The following MUC7 variants were observed in gnomAD, a reference collection of about 807,000 sequenced individuals.
The protein encoded by MUC7 is mucin-7.
A neutral mutation model predicts 2.5 loss-of-function variants in MUC7; 2 were observed. That is an observed-to-expected ratio of 0.81 (90% CI 0.33 to 2.55). MUC7 has a LOEUF of 2.55. MUC7 is among the 30% of genes most tolerant of loss of function. The probability of loss-of-function intolerance (pLI) is 0.11; values close to 1 mark genes in which losing one functional copy is unlikely to be tolerated. For synonymous variants in MUC7, 133 were observed against 173.4 expected (o/e 0.77, Z 1.83); for missense variants, 408 against 455.6 (o/e 0.90, Z 0.95).
Position 70,481,412 on chromosome 4 carries a change from C to G in MUC7, c.668C>G (p.Pro223Arg). The change falls in exon 3 of 3, where the codon CCA (proline) becomes CGA (arginine). Residue 223 changes from proline to arginine, a missense_variant. Pro to Arg is a moderately radical substitution (Grantham distance 103). Transcript: ENST00000304887. Reference protein sequence around the residue: ...AAPPTPPATTPAPPSSSAPPE... With the variant: ...AAPPTPPATTRAPPSSSAPPE... The stretch of plus-strand genomic sequence containing the variant: ...CCACCCACACCTCCTGCAACTACAC[C>G]AGCTCCACCATCTTCCTCAGCTCCA... 6.2e-7 allele frequency: 1 copy of G among 1,607,350 alleles called. No individual in the cohort carries two copies. Among genetic ancestry groups the G allele is most frequent in the Non-Finnish European group, 8.5e-7 (1 of 1,179,140 alleles).
At chr4:70,434,546 C>A (rs1217810292) in intron 1 of MUC7, among the ~76,000 whole-genome samples, 2 of 152,136 alleles carry the variant, frequency 1.3e-5, no homozygotes, top group Non-Finnish European at 2.9e-5. Flanking sequence ...GCTTATATTT[C>A]TGTGAGATAG....
chr4:70,431,662 G>A (rs780812817), intron 1 of MUC7, among the ~76,000 whole-genome samples: 26 of 152,044 alleles, frequency 1.7e-4, no homozygotes, highest in Admixed American at 5.9e-4. Context: ...TTATTCAACC[G>A]TAGTAACATT....
intron 1 of MUC7, among the ~76,000 whole-genome samples, chr4:70,453,544 G>A (rs1299547057): frequency 6.6e-6 from 1 of 152,218 alleles, no homozygotes; most frequent in Non-Finnish European, 1.5e-5. Flanking sequence ...TGGTCCAGGG[G>A]ATATCTAGAA....
At chr4:70,438,999 C>T (rs1026939222) in intron 1 of MUC7, among the ~76,000 whole-genome samples, 2 of 152,122 alleles carry the variant, frequency 1.3e-5, no homozygotes, top group African/African-American at 4.8e-5. Context: ...TTACTGCTCT[C>T]ACTGAGCCTA....
chr4:70,478,393 G>A (rs145357545), intron 2 of MUC7, among the ~76,000 whole-genome samples: 6 of 152,246 alleles, frequency 3.9e-5, no homozygotes, highest in African/African-American at 7.2e-5. Flanking sequence ...AGGGGCCTTC[G>A]TGAGGCTCAT....
intron 1 of MUC7, among the ~76,000 whole-genome samples, chr4:70,462,631 TATATAGAC>T (rs1158572065): frequency 1.3e-5 from 2 of 152,206 alleles, no homozygotes; most frequent in Non-Finnish European, 2.9e-5. Context: ...CTTTTTTGCA[TATATAGAC>T]ATAAATTAGA....
intron 1 of MUC7, among the ~76,000 whole-genome samples, chr4:70,450,267 C>T (rs886516889): frequency 6.6e-6 from 1 of 152,192 alleles, no homozygotes; most frequent in Non-Finnish European, 1.5e-5. Flanking sequence ...CAGACTACCA[C>T]CAATGTTTCC....
chr4:70,432,224 T>G (rs1395788258), intron 1 of MUC7, among the ~76,000 whole-genome samples: 2 of 152,224 alleles, frequency 1.3e-5, no homozygotes, highest in African/African-American at 2.4e-5. Context: ...GCATGTGTCT[T>G]TATAGCAGCA....
chr4:70,439,799 T>C (rs1046803660), intron 1 of MUC7, among the ~76,000 whole-genome samples: 1 of 152,126 alleles, frequency 6.6e-6, no homozygotes, highest in African/African-American at 2.4e-5. Context: ...CACATGCTAA[T>C]TGATAATTCA....
intron 1 of MUC7, among the ~76,000 whole-genome samples, chr4:70,452,523 A>G (rs1448842874): frequency 1.3e-5 from 2 of 148,238 alleles, no homozygotes; most frequent in East Asian, 4.0e-4. Context: ...TAAACAAACA[A>G]GAAAAAGAAA....
intron 2 of MUC7, among the ~76,000 whole-genome samples, chr4:70,475,162 C>T (rs1248933358): frequency 6.6e-6 from 1 of 151,836 alleles, no homozygotes; most frequent in African/African-American, 2.4e-5. Context: ...ACCTGTAATC[C>T]CAGCTACTCA....
At chr4:70,434,084 G>A (rs1733754704) in intron 1 of MUC7, among the ~76,000 whole-genome samples, 2 of 152,110 alleles carry the variant, frequency 1.3e-5, no homozygotes, top group Admixed American at 6.6e-5. Flanking sequence ...CTTGATCTTG[G>A]TGGGTAAGCT....
chr4:70,481,157 C>A lies in MUC7; in HGVS notation c.413C>A (p.Thr138Asn). The change falls in exon 3 of 3, where the codon ACC becomes AAC. Residue 138 changes from threonine to asparagine, a missense_variant. Thr to Asn is a moderately conservative substitution (Grantham distance 65). Coordinates refer to ENST00000304887, the MANE Select transcript of MUC7 (RefSeq NM_152291.3). ...ACTTTTCTTCCCCAGAATGCCACCA[C>A]CATATCTTCAAGAGAAAATGTTAAC... ...NVTFLPQNATTISSRENVNTS... is the reference protein window; with the variant it reads ...NVTFLPQNATNISSRENVNTS... 1 of 1,614,212 alleles carries A rather than the reference C, an allele frequency of 6.2e-7. No individual in the cohort carries two copies. Among genetic ancestry groups the A allele is most frequent in the Non-Finnish European group, 8.5e-7 (1 of 1,180,042 alleles).
rs75195757 is a variant in MUC7 at position 70,466,586 on chromosome 4, C to CAA, written c.-92-5620_-92-5619dup. Among the ~76,000 whole-genome samples, 15 of 143,416 alleles carry CAA rather than the reference C, an allele frequency of 1.0e-4. No individual in the cohort carries two copies. In the South Asian group the frequency reaches 1.7e-3, roughly 17 times the overall value. The allele number at this position is 143,416 out of a possible 152,430, so 94.1% of individuals were successfully genotyped here. A position where few individuals can be genotyped will look rare whatever the true frequency, so the allele number is the denominator to read the frequency against. ...GAATGTTTACCAAGCGAATGGAAAG[C>CAA]AAAAAAAAAAGCAGAGGTTGCAATC... On this transcript the variant is annotated intron_variant, in intron 1 of 3. Coordinates refer to the MUC7 transcript ENST00000413702.
At chr4:70,442,059 C>T (rs1170414842) in intron 1 of MUC7, among the ~76,000 whole-genome samples, 1 of 152,138 alleles carries the variant, frequency 6.6e-6, no homozygotes, top group Non-Finnish European at 1.5e-5. Flanking sequence ...TGAAAAGATA[C>T]AAAGATATTT....
In MUC7 at chr4:70,445,387, TGATTATGAGTCTGCCATAGAA is replaced by T. The variant is rs1243478217; in HGVS notation, c.-93+14729_-93+14749del. On this transcript the variant is annotated intron_variant, in intron 1 of 3. Coordinates refer to the MUC7 transcript ENST00000413702. ...CCAGCACATTTTATGACACTACATT[TGATTATGAGTCTGCCATAGAA>T]GATTATGAGTCTGCCATAGAAGATT... Among the ~76,000 whole-genome samples, 18 of 152,340 alleles carry T rather than the reference TGATTATGAGTCTGCCATAGAA, an allele frequency of 1.2e-4. No individual in the cohort carries two copies. In the East Asian group the frequency reaches 1.5e-3, roughly 13 times the overall value.
intron 1 of MUC7, among the ~76,000 whole-genome samples, chr4:70,461,231 T>C (rs1734549049): frequency 6.6e-6 from 1 of 152,228 alleles, no homozygotes; most frequent in Non-Finnish European, 1.5e-5. Flanking sequence ...TTTTGGTTCT[T>C]TCTGGGGAAT....
intron 2 of MUC7, among the ~76,000 whole-genome samples, chr4:70,480,183 T>G (rs1450310365): frequency 6.6e-6 from 1 of 152,222 alleles, no homozygotes; most frequent in Non-Finnish European, 1.5e-5. Context: ...GAATCATGAA[T>G]TCTATAATTC....
At chr4:70,452,751 T>C (rs1734310258) in intron 1 of MUC7, among the ~76,000 whole-genome samples, 1 of 152,222 alleles carries the variant, frequency 6.6e-6, no homozygotes, top group Non-Finnish European at 1.5e-5. Context: ...TACAATACTC[T>C]ATGTTCTCCT....
Sources: allele counts gnomAD v4.1 joint callset (sites outside exome capture counted in the v4.1 genomes callset), GRCh38; gene constraint gnomAD v4.1.1; transcripts MANE v1.5; gene names NCBI Gene and HGNC (gene_info 2026-07-23, HGNC 2026-07-21).